The following ZFHX3 variants were observed in gnomAD, a reference collection of about 807,000 sequenced individuals.
ZFHX3 encodes zinc finger homeobox protein 3.
ZFHX3 carries 42 observed loss-of-function variants against 279.1 expected under a neutral mutation model. That is an observed-to-expected ratio of 0.15 (90% confidence interval 0.12 to 0.19). The LOEUF is 0.19. ZFHX3 is among the 10% of genes least tolerant of loss of function. ZFHX3 has a pLI of 1.00. For synonymous variants in ZFHX3, 2,293 were observed against 1,957.8 expected, an observed-to-expected ratio of 1.17 and a Z score of -4.52; for missense variants, 4,981 against 4,754.0, an observed-to-expected ratio of 1.05 and a Z score of -1.40.
At chr16:72,846,666 G>A (rs753254759) in intron 4 of ZFHX3, among the ~76,000 whole-genome samples, 14 of 152,266 alleles carry the variant, frequency 9.2e-5, no homozygotes, top group Non-Finnish European at 1.9e-4. Context: ...CAACCTGCAC[G>A]GCTTTAGCTG....
At chr16:73,845,077 A>G (rs1961413935) in intron 1 of ZFHX3, among the ~76,000 whole-genome samples, 1 of 152,144 alleles carries the variant, frequency 6.6e-6, no homozygotes, top group African/African-American at 2.4e-5. Flanking sequence ...GATACCCTCT[A>G]TTCTTCCAGG....
intron 3 of ZFHX3, chr16:73,388,708 A>C (rs1260158983): frequency 6.6e-6 from 1 of 152,212 alleles, no homozygotes; most frequent in Non-Finnish European, 1.5e-5. Flanking sequence ...ATCTGGCCCA[A>C]CTTCCCTATT....
At chr16:73,426,935 A>G (rs1017065752) in intron 3 of ZFHX3, among the ~76,000 whole-genome samples, 1 of 152,024 alleles carries the variant, frequency 6.6e-6, no homozygotes, top group Non-Finnish European at 1.5e-5. Context: ...TTCTGATTAG[A>G]CTTTTAGTGT....
intron 2 of ZFHX3, among the ~76,000 whole-genome samples, chr16:73,510,107 T>C (rs953251458): frequency 3.3e-5 from 5 of 152,172 alleles, no homozygotes; most frequent in African/African-American, 9.7e-5. Context: ...CTCCTTCTCG[T>C]CATTCTCATC....
intron 5 of ZFHX3, among the ~76,000 whole-genome samples, chr16:73,212,958 GAAC>G (rs965732246): frequency 6.6e-5 from 10 of 152,140 alleles, no homozygotes; most frequent in African/African-American, 2.4e-4. Context: ...TAAACCCTTC[GAAC>G]AACGTCAGAA....
intron 2 of ZFHX3, among the ~76,000 whole-genome samples, chr16:73,624,659 G>T (rs2052398884): frequency 2.7e-5 from 4 of 149,716 alleles, no homozygotes; most frequent in Admixed American, 2.7e-4. Context: ...AAAAAGGAAA[G>T]AAAGAAAGCA....
chr16:72,992,583 C>CA (rs1963131984), intron 1 of ZFHX3, among the ~76,000 whole-genome samples: 1 of 152,200 alleles, frequency 6.6e-6, no homozygotes, highest in Non-Finnish European at 1.5e-5. Context: ...GGCATTTACT[C>CA]ACAGCCAAAA....
chr16:72,820,087 G>A (rs1218807856), intron 5 of ZFHX3, among the ~76,000 whole-genome samples: 1 of 152,126 alleles, frequency 6.6e-6, no homozygotes, highest in Non-Finnish European at 1.5e-5. Context: ...ACAGATCTAT[G>A]CTAGCCCCCA....
At chr16:73,026,077 T>C (rs2144662741) in intron 1 of ZFHX3, among the ~76,000 whole-genome samples, 2 of 151,858 alleles carry the variant, frequency 1.3e-5, no homozygotes, top group Middle Eastern at 3.4e-3. Context: ...CTGGGCACAG[T>C]GGCTCACGCT....
chr16:73,681,395 G>T (rs966667094), intron 1 of ZFHX3, among the ~76,000 whole-genome samples: 1 of 152,118 alleles, frequency 6.6e-6, no homozygotes, highest in African/African-American at 2.4e-5. Flanking sequence ...GAAAGTAAAA[G>T]GTGAACCTTA....
intron 2 of ZFHX3, among the ~76,000 whole-genome samples, chr16:73,495,529 C>A (rs868349692): frequency 5.9e-5 from 9 of 152,344 alleles, no homozygotes; most frequent in South Asian, 4.1e-4. Flanking sequence ...AGGCTCAAAC[C>A]TGAGAAAGTG....
chr16:72,965,578 C>G (rs889486860), intron 1 of ZFHX3, among the ~76,000 whole-genome samples: 3 of 152,138 alleles, frequency 2.0e-5, no homozygotes, highest in Non-Finnish European at 2.9e-5. Context: ...CAGTCAGATG[C>G]TACAGAATCC....
chr16:73,775,839 A>G (rs1959230264), intron 1 of ZFHX3, among the ~76,000 whole-genome samples: 1 of 152,156 alleles, frequency 6.6e-6, no homozygotes, highest in African/African-American at 2.4e-5. Context: ...GGCCCCCAGT[A>G]GAACCCTGCT....
At chr16:73,180,552 C>T (rs1287399868) in intron 5 of ZFHX3, among the ~76,000 whole-genome samples, 1 of 152,182 alleles carries the variant, frequency 6.6e-6, no homozygotes, top group Non-Finnish European at 1.5e-5. Flanking sequence ...CTATGCCAAT[C>T]CACTGTGTTT....
chr16:73,760,996 G>GA (rs34146928), intron 1 of ZFHX3, among the ~76,000 whole-genome samples: 2,057 of 142,114 alleles, frequency 0.014, 25 homozygotes, highest in Non-Finnish European at 0.024. Flanking sequence ...GCAAGAAAAA[G>GA]AAAAAAAAAA....
chr16:73,407,398 C>G, intron 3 of ZFHX3, among the ~76,000 whole-genome samples: 1 of 152,208 alleles, frequency 6.6e-6, no homozygotes, highest in South Asian at 2.1e-4. Context: ...CCCTTGGGTC[C>G]TTTGTTCCAT....
At chr16:73,718,824 C>A (rs185466224) in intron 1 of ZFHX3, among the ~76,000 whole-genome samples, 1 of 152,042 alleles carries the variant, frequency 6.6e-6, no homozygotes, top group Admixed American at 6.6e-5. Context: ...CCATATTGGC[C>A]AGGCTGGTCT....
chr16:73,318,525 TC>T, intron 3 of ZFHX3, among the ~76,000 whole-genome samples: 1 of 152,158 alleles, frequency 6.6e-6, no homozygotes. Context: ...CTTTTTTTTT[TC>T]TTTATTCCTT....
intron 4 of ZFHX3, among the ~76,000 whole-genome samples, chr16:73,302,519 G>A (rs1411729334): frequency 2.0e-5 from 3 of 152,196 alleles, no homozygotes; most frequent in Non-Finnish European, 4.4e-5. Context: ...GTTGTCCCAA[G>A]GAAAAGCACA....
Sources: gnomAD v4.1 joint callset for allele counts (sites outside exome capture counted in the v4.1 genomes callset) on GRCh38, gnomAD v4.1.1 for gene constraint, MANE v1.5 for transcripts, NCBI Gene and HGNC (gene_info 2026-07-23, HGNC 2026-07-21) for gene names.